Variants in TTC19 observed in about 807,000 individuals in gnomAD.
The protein encoded by TTC19 is tetratricopeptide repeat protein 19, mitochondrial.
A neutral mutation model predicts 49.5 loss-of-function variants in TTC19; 38 were observed. The observed-to-expected ratio is 0.77, with a 90% confidence interval of 0.59 to 1.01. TTC19 has a LOEUF of 1.01. Among genes scored for constraint, TTC19 ranks in the 50% least tolerant of loss-of-function variants. The pLI is 0.00. For synonymous variants in TTC19, 204 were observed against 185.2 expected, an observed-to-expected ratio of 1.10 and a Z score of -0.83; for missense variants, 475 against 477.7, an observed-to-expected ratio of 0.99 and a Z score of 0.05.
chr17:16,001,012 A>C (rs187022069), intron 2 of TTC19, among the ~76,000 whole-genome samples: 1 of 152,068 alleles, frequency 6.6e-6, no homozygotes, highest in Admixed American at 6.6e-5. Context: ...ATATTTCTCA[A>C]ATCTTTCCCC....
intron 2 of TTC19, chr17:16,000,550 C>A: frequency 3.5e-6 from 2 of 572,184 alleles, no homozygotes; most frequent in Non-Finnish European, 5.0e-6. Context: ...AATTAACCAG[C>A]CTATCTGAAA....
rs188600965 is a variant in TTC19, at chr17:16,013,603, A to C, written c.676+7035A>C. 1.3e-4 allele frequency among the ~76,000 whole-genome samples: 20 copies of C among 152,304 alleles called. No individual in the cohort carries two copies. In the East Asian group the frequency reaches 3.9e-3, roughly 29 times the overall value. On this transcript the variant is annotated intron_variant, in intron 7 of 9. Coordinates refer to ENST00000261647, the MANE Select transcript of TTC19 (RefSeq NM_017775.4). ...AGTAATCAATCTATATGTACTAATT[A>C]GTACATACTTGGGTTTCTTTTGGGG...
At chr17:16,040,292 G>A in intron 2 of TTC19, 1 of 733,568 alleles carries the variant, frequency 1.4e-6, no homozygotes, top group Non-Finnish European at 2.4e-6. Context: ...GTGCTACTGG[G>A]TAAACCTTCC....
chr17:16,035,432 C>T (rs1974166576), intron 2 of TTC19, among the ~76,000 whole-genome samples: 1 of 151,976 alleles, frequency 6.6e-6, no homozygotes, highest in African/African-American at 2.4e-5. Flanking sequence ...ACTTTCTTTG[C>T]TCATCCCTAA....
At chr17:16,003,909 G>A in intron 5 of TTC19, 22 bp downstream of exon 5, 1 of 1,611,928 alleles carries the variant, frequency 6.2e-7, no homozygotes, top group Non-Finnish European at 8.5e-7. Context: ...GCCTAGTATT[G>A]GCCCCTCACT....
Position 16,043,746 on chromosome 17 carries a change from C to T in TTC19, c.248-757C>T, listed in dbSNP as rs539701879. Reference sequence around the variant, plus strand: ...TGAGATCTCTAGCTCTCCGTGCTCACACAGATTCATCTCTGAGTGCCAAGA... The same window carrying T: ...TGAGATCTCTAGCTCTCCGTGCTCATACAGATTCATCTCTGAGTGCCAAGA... On this transcript the variant is annotated intron_variant, in intron 2 of 2. Transcript: ENST00000470649. 3.9e-5 allele frequency among the ~76,000 whole-genome samples: 6 copies of T among 152,340 alleles called. No individual in the cohort carries two copies. In the South Asian group the frequency reaches 6.2e-4, roughly 16 times the overall value.
Position 16,029,358 on chromosome 17 carries a change from CAA to C in TTC19, c.*1839_*1840del. The C allele has an allele frequency of 7.9e-6, 3 of 381,936 alleles. No individual in the cohort carries two copies. Among genetic ancestry groups the C allele is most frequent in the South Asian group, 6.0e-5 (3 of 50,304 alleles). 23.7% of individuals were successfully genotyped at this position (381,936 alleles called of 1,614,324 possible). The stretch of plus-strand genomic sequence containing the variant: ...TCTCCTTTACTGATTGGTCTAAATT[CAA>C]AAGTGAATTGGTTAAAATCGTGTCA... On this transcript the variant is annotated 3_prime_UTR_variant, in exon 10 of 10. Transcript: ENST00000261647.
At position 16,004,228 on chromosome 17, in the gene TTC19, C is replaced by T; in HGVS notation, c.547C>T (p.Leu183=). ...GGACAATGCAATAATTGAAATTTCC[C>T]TAAAGCTGGCCAGTATCTATGCTGC... is the stretch of plus-strand genomic sequence containing the variant. ...QEDNAIIEIS[L]KLASIYAAQN... Residue 183 remains leucine (L), a synonymous_variant, in exon 6 of 10, where the codon CTA becomes TTA. Transcript: ENST00000261647. The T allele has an allele frequency of 6.2e-7, 1 of 1,614,184 alleles. No homozygotes were observed. Among genetic ancestry groups the T allele is most frequent in the Non-Finnish European group, 8.5e-7 (1 of 1,180,018 alleles).
chr17:16,015,983 G>C (rs569132106), intron 7 of TTC19, among the ~76,000 whole-genome samples: 4 of 151,980 alleles, frequency 2.6e-5, no homozygotes, highest in Non-Finnish European at 5.9e-5. Flanking sequence ...GCCAACTTCT[G>C]GTTTCATTAA....
At chr17:16,023,235 A>C (rs1971439205) in intron 7 of TTC19, 1 of 152,200 alleles carries the variant, frequency 6.6e-6, no homozygotes, top group African/African-American at 2.4e-5. Context: ...ATTATAGCTA[A>C]ATTGTACCTC....
At chr17:16,006,308 G>C (rs1259570174) in intron 6 of TTC19, among the ~76,000 whole-genome samples, 166 bp from the exon 7 acceptor site, 2 of 152,126 alleles carry the variant, frequency 1.3e-5, no homozygotes, top group Non-Finnish European at 2.9e-5. Flanking sequence ...TATTCGAGAG[G>C]CTAAGGCAGG....
chr17:16,027,228 A>G, intron 9 of TTC19, 146 bp from the exon 10 acceptor site: 1 of 896,912 alleles, frequency 1.1e-6, no homozygotes, highest in Non-Finnish European at 1.8e-6. Context: ...AGCCTGTCAG[A>G]TGGGGATGAA....
chr17:16,003,893 G>A lies in TTC19; in HGVS notation c.519+6G>A. ...TTGGAGGGGGCATGAAGCAGGTAAG[G>A]ACATTGCCTAGTATTGGCCCCTCAC... is the stretch of plus-strand genomic sequence containing the variant. On this transcript the variant is annotated splice_donor_region_variant and intron_variant, in intron 5 of 9. Coordinates refer to ENST00000261647, the MANE Select transcript of TTC19 (RefSeq NM_017775.4). 1 of 1,613,610 alleles carries A rather than the reference G, an allele frequency of 6.2e-7. No individual in the cohort carries two copies. Among genetic ancestry groups the A allele is most frequent in the Non-Finnish European group, 8.5e-7 (1 of 1,179,738 alleles).
intron 2 of TTC19, chr17:16,040,420 A>G (rs189986783): frequency 6.2e-7 from 1 of 1,611,010 alleles, no homozygotes; most frequent in African/African-American, 1.3e-5. Flanking sequence ...GTATTGGTAA[A>G]TAATGTCTTT....
chr17:16,040,890 TAAAA>T (rs889228634), intron 2 of TTC19: 130 of 189,156 alleles, frequency 6.9e-4, no homozygotes, highest in South Asian at 1.2e-3. Flanking sequence ...AATAAATAAA[TAAAA>T]AAAGAAGCAG....
chr17:16,008,016 A>G (rs1478347145), intron 7 of TTC19, among the ~76,000 whole-genome samples: 1 of 152,210 alleles, frequency 6.6e-6, no homozygotes, highest in African/African-American at 2.4e-5. Flanking sequence ...CCTACTGAAA[A>G]TACTTTCACT....
In TTC19 at chr17:16,024,975, C is replaced by G. The variant is rs140778368; in HGVS notation, c.677-42C>G. 3.1e-5 allele frequency: 49 copies of G among 1,605,780 alleles called. No individual in the cohort carries two copies. The African/African-American group carries it at 5.1e-4, about 17-fold the overall frequency. On this transcript the variant is annotated intron_variant, in intron 7 of 9. Transcript: ENST00000261647. ...CTGACATATTTGTGGGTCCTGGTAA[C>G]AACCATTTGGGTAGATTTGCTGATT... is the stretch of plus-strand genomic sequence containing the variant.
intron 7 of TTC19, chr17:16,024,259 T>G (rs1302419359): frequency 6.6e-6 from 1 of 151,952 alleles, no homozygotes; most frequent in Non-Finnish European, 1.5e-5. Flanking sequence ...CTTCTCTGAA[T>G]GATTAGCTTG....
chr17:16,018,707 C>T (rs1173883197), intron 7 of TTC19, among the ~76,000 whole-genome samples: 2 of 152,032 alleles, frequency 1.3e-5, no homozygotes, highest in South Asian at 2.1e-4. Flanking sequence ...GGAGTTTCAC[C>T]ATCTTGCCCA....
Sources: gnomAD v4.1 joint callset for allele counts (sites outside exome capture counted in the v4.1 genomes callset) on GRCh38, gnomAD v4.1.1 for gene constraint, MANE v1.5 for transcripts, NCBI Gene and HGNC (gene_info 2026-07-23, HGNC 2026-07-21) for gene names.